Variants in IGHMBP2 observed in about 807,000 individuals in gnomAD.
IGHMBP2 encodes the protein immunoglobulin mu DNA binding protein 2, also known as DNA-binding protein SMUBP-2.
A neutral mutation model predicts 96.0 loss-of-function variants in IGHMBP2; 81 were observed. The ratio of observed to expected loss-of-function variants is 0.84; its 90% CI spans 0.71 to 1.01. The LOEUF is 1.01. Among genes scored for constraint, IGHMBP2 ranks in the 50% least tolerant of loss-of-function variants. The pLI is 0.00. For missense variants in IGHMBP2, 1,227 were observed against 1,306.3 expected, an observed-to-expected ratio of 0.94 and a Z score of 0.94; for synonymous variants, 557 against 548.9, an observed-to-expected ratio of 1.01 and a Z score of -0.21.
Position 68,908,194 on chromosome 11 carries a change from C to T in IGHMBP2, c.306C>T (p.Ala102=), listed in dbSNP as rs1279336027. 3 of 1,614,008 alleles carry T rather than the reference C, an allele frequency of 1.9e-6. No individual in the cohort carries two copies. The highest frequency in any genetic ancestry group is 2.2e-5 in the South Asian group (2 of 91,062). ...YDAANEGSQL[A]TGILTRVTQK... is the part of the protein sequence containing the mutation. ...CTGCTAATGAGGGCAGTCAGCTGGC[C>T]ACTGGGATCTTGACCCGGGTCACCC... The change falls in exon 3 of 15, where the codon GCC becomes GCT. Residue 102 remains alanine, a synonymous_variant. Transcript: ENST00000255078.
chr11:68,915,314 G>A (rs1334433341), intron 6 of IGHMBP2, among the ~76,000 whole-genome samples: 1 of 151,300 alleles, frequency 6.6e-6, no homozygotes, highest in Non-Finnish European at 1.5e-5. Flanking sequence ...CTAGTAGCTG[G>A]GACTGCAGGT....
At chr11:68,928,565 T>A (rs1302903653) in intron 7 of IGHMBP2, among the ~76,000 whole-genome samples, 1 of 152,214 alleles carries the variant, frequency 6.6e-6, no homozygotes, top group Non-Finnish European at 1.5e-5. Flanking sequence ...TCTCCCTTTG[T>A]GGTGCAATCT....
chr11:68,918,798 C>T (rs1428552767), intron 7 of IGHMBP2, among the ~76,000 whole-genome samples: 3 of 152,054 alleles, frequency 2.0e-5, no homozygotes, highest in Non-Finnish European at 4.4e-5. Context: ...ACCCACCGCG[C>T]CCGGCCTGGC....
In IGHMBP2 at chr11:68,927,130, T is replaced by A. The variant is rs142017875; in HGVS notation, c.1061-2053T>A. Among the ~76,000 whole-genome samples, 29 of 152,328 alleles carry A rather than the reference T, an allele frequency of 1.9e-4. 1 individual carries two copies. Among genetic ancestry groups the A allele is most frequent in the Admixed American group, 9.1e-4 (14 of 15,310 alleles). ...ATATTTTCCTGACTCTCTACGTGCC[T>A]TGTAGTTTTTTGTTGAAAATGGATG... On this transcript the variant is annotated intron_variant, in intron 7 of 14. Transcript: ENST00000255078.
rs192806153 is a variant in IGHMBP2, at chr11:68,936,947, C to T, written c.2467C>T (p.Arg823Cys). 9.9e-5 allele frequency: 158 copies of T among 1,603,844 alleles called. No homozygotes were observed. In the East Asian group the frequency reaches 3.1e-3, roughly 31 times the overall value. ...AQTEQPPREQ[R>C]GPDQPDLRTL... ...GACAGAGCAGCCTCCCAGGGAGCAG[C>T]GTGGCCCAGACCAGCCTGATCTGAG... Residue 823 changes from arginine to cysteine, a missense_variant, in exon 13 of 15, where the codon CGT becomes TGT. This residue lies in a region of IGHMBP2 where 703 missense variants were observed against 770.3 expected (regional missense o/e 0.91). Coordinates refer to ENST00000255078, the MANE Select transcript of IGHMBP2 (RefSeq NM_002180.3).
In IGHMBP2 at chr11:68,938,218, T is replaced by C. The variant is rs774483778; in HGVS notation, c.2648T>C (p.Phe883Ser). The stretch of plus-strand genomic sequence containing the variant: ...ACAGATCTGCCCACGGAGGAGGACT[T>C]TGAGGCCCTGGTTTCTGCCGCCGTT... ...PATDLPTEED[F>S]EALVSAAVKA... Residue 883 changes from phenylalanine (F) to serine (S), a missense_variant, in exon 14 of 15, where the codon TTT (phenylalanine) becomes TCT (serine). Phe to Ser is a radical substitution (Grantham distance 155). This residue lies in a region of IGHMBP2 where 703 missense variants were observed against 770.3 expected (regional missense o/e 0.91). Transcript: ENST00000255078. The C allele has an allele frequency of 3.1e-6, 5 of 1,614,066 alleles. No individual in the cohort carries two copies. The East Asian group carries it at 1.1e-4, about 36-fold the overall frequency.
intron 2 of IGHMBP2, among the ~76,000 whole-genome samples, chr11:68,907,925 G>A (rs766638718): frequency 2.6e-5 from 4 of 151,820 alleles, no homozygotes; most frequent in Admixed American, 6.6e-5. Flanking sequence ...TCCTGACCTC[G>A]TGATCTGCCC....
At position 68,935,279 on chromosome 11, in the gene IGHMBP2, C is replaced by G. The variant is rs1380030975; in HGVS notation, c.1633-20C>G. ...CTGGCATGGGTGGGTGAGGAAACCA[C>G]AGCCCGGCTGGTGTTTCAGGTGGAC... On this transcript the variant is annotated intron_variant, in intron 11 of 14. Transcript: ENST00000255078. 1 of 1,613,482 alleles carries G rather than the reference C, an allele frequency of 6.2e-7. No homozygotes were observed. The highest frequency in any genetic ancestry group is 8.5e-7 in the Non-Finnish European group (1 of 1,179,870).
chr11:68,904,381 C>T (rs996030644), intron 1 of IGHMBP2, among the ~76,000 whole-genome samples: 2 of 152,156 alleles, frequency 1.3e-5, no homozygotes, highest in Non-Finnish European at 2.9e-5. Context: ...ATGGTTTGCG[C>T]CCATTCTCAG....
At chr11:68,910,023 G>C (rs1858369126) in intron 4 of IGHMBP2, among the ~76,000 whole-genome samples, 1 of 152,200 alleles carries the variant, frequency 6.6e-6, no homozygotes, top group African/African-American at 2.4e-5. Flanking sequence ...TGATTTAACA[G>C]TCCTGTGAGT....
In IGHMBP2 at chr11:68,934,553, C is replaced by G. The variant is rs772592429; in HGVS notation, c.1627C>G (p.Leu543Val). 32 of 1,609,156 alleles carry G rather than the reference C, an allele frequency of 2.0e-5. No individual in the cohort carries two copies. Among genetic ancestry groups the G allele is most frequent in the Non-Finnish European group, 2.5e-5 (30 of 1,176,940 alleles). The change falls in exon 11 of 15, where the codon CTC (leucine) becomes GTC (valine). Residue 543 changes from leucine to valine, a missense_variant. Physicochemically the swap from Leu to Val is conservative, Grantham distance 32 (BLOSUM62 1). Coordinates refer to ENST00000255078, the MANE Select transcript of IGHMBP2 (RefSeq NM_002180.3). The part of the protein sequence containing the change: ...RDIAVVSPYN[L>V]QVDLLRQSLV... ...CATTGCTGTGGTCTCGCCATACAAC[C>G]TCCAGGTACGAGGGTTTCCTTTTGT... is the stretch of plus-strand genomic sequence containing the variant.
intron 6 of IGHMBP2, among the ~76,000 whole-genome samples, chr11:68,916,657 A>AG (rs1296612069): frequency 1.3e-5 from 2 of 151,440 alleles, no homozygotes; most frequent in Non-Finnish European, 2.9e-5. Flanking sequence ...GCGGCAGCAG[A>AG]GAGGGTGCTG....
chr11:68,911,420 C>T lies in IGHMBP2; in HGVS notation c.548-20C>T, dbSNP rs368802434. 771 of 1,612,338 alleles carry T rather than the reference C, an allele frequency of 4.8e-4. 8 individuals are homozygous for T. The South Asian group carries it at 7.5e-3, about 16-fold the overall frequency. On this transcript the variant is annotated intron_variant, in intron 4 of 14. Coordinates refer to ENST00000255078, the MANE Select transcript of IGHMBP2 (RefSeq NM_002180.3). ...AGCTCCCCAGAGCACCTGAGCCTCA[C>T]GCTGCTGCTTCTTCCACAGACCCGC... is the stretch of plus-strand genomic sequence containing the variant.
chr11:68,933,983 C>G (rs1859422305), intron 10 of IGHMBP2, 70 bp downstream of exon 10: 3 of 1,067,124 alleles, frequency 2.8e-6, no homozygotes, highest in Non-Finnish European at 4.3e-6. Flanking sequence ...ATAAAAGGCA[C>G]TTTAATTGCC....
intron 10 of IGHMBP2, 91 bp downstream of exon 10, chr11:68,934,004 A>C: frequency 2.2e-6 from 2 of 906,618 alleles, no homozygotes; most frequent in Admixed American, 4.0e-5. Flanking sequence ...TAATTCCGGG[A>C]GGAGCTGAGA....
intron 1 of IGHMBP2, among the ~76,000 whole-genome samples, chr11:68,904,953 C>A (rs1169398372): frequency 6.6e-6 from 1 of 152,008 alleles, no homozygotes; most frequent in African/African-American, 2.4e-5. Context: ...CGCGCCACCA[C>A]GTCCTGCTAA....
In IGHMBP2 at chr11:68,936,457, C is replaced by T. The variant is rs779008961; in HGVS notation, c.1977C>T (p.Ser659=). 14 of 1,613,840 alleles carry T rather than the reference C, an allele frequency of 8.7e-6. No individual in the cohort carries two copies. The highest frequency in any genetic ancestry group is 1.1e-5 in the Non-Finnish European group (13 of 1,180,014). The stretch of plus-strand genomic sequence containing the variant: ...ATTCCCATGAGAACTCCCAGGGTTC[C>T]AGCCACGCTGCCACCAAGCCCCAGG... The part of the protein sequence containing the change: ...ENYSHENSQG[S]SHAATKPQGP... The change falls in exon 13 of 15, where the codon TCC becomes TCT. Residue 659 remains serine (S), a synonymous_variant. Coordinates refer to ENST00000255078, the MANE Select transcript of IGHMBP2 (RefSeq NM_002180.3).
chr11:68,932,130 G>A (rs1859334926), intron 8 of IGHMBP2, among the ~76,000 whole-genome samples: 1 of 149,478 alleles, frequency 6.7e-6, no homozygotes, highest in Non-Finnish European at 1.5e-5. Context: ...AAGACGTTGG[G>A]TGGCATTCCC....
In IGHMBP2 at chr11:68,940,338, G is replaced by T; in HGVS notation, c.*607G>T. The T allele has an allele frequency of 6.5e-6, 1 of 153,560 alleles. No homozygotes were observed. Among genetic ancestry groups the T allele is most frequent in the Non-Finnish European group, 1.4e-5 (1 of 68,988 alleles). 9.5% of individuals were successfully genotyped at this position (153,560 alleles called of 1,614,324 possible). A position where few individuals can be genotyped will look rare whatever the true frequency, so the allele number is the denominator to read the frequency against. ...TGTGCACCTCTCTCTGGCTTATAAA[G>T]GTGCCTGGCCTGTGCCAGCCCCTCC... On this transcript the variant is annotated 3_prime_UTR_variant, in exon 15 of 15. Transcript: ENST00000255078.
Sources: allele counts gnomAD v4.1 joint callset (sites outside exome capture counted in the v4.1 genomes callset), GRCh38; gene constraint gnomAD v4.1.1; regional missense constraint gnomAD v4.1.1; transcripts MANE v1.5; gene names NCBI Gene and HGNC (gene_info 2026-07-23, HGNC 2026-07-21).